RGS7: variants seen among roughly 807,000 people sequenced by gnomAD.
RGS7 encodes regulator of G-protein signaling 7.
Under a neutral mutation model 81.1 loss-of-function variants are expected in RGS7, and 27 were observed. The observed-to-expected ratio is 0.33, with a 90% CI of 0.25 to 0.46. The LOEUF is 0.46. Ranked by LOEUF, RGS7 falls within the 20% of genes least tolerant of loss-of-function variation. The pLI, the probability that RGS7 is intolerant of heterozygous loss-of-function variation, is 1.00. For missense variants in RGS7, 396 were observed against 607.4 expected (o/e 0.65, Z 3.66); for synonymous variants, 208 against 207.7 (o/e 1.00, Z -0.01).
chr1:241,159,094 A>G (rs2069414267), intron 2 of RGS7, among the ~76,000 whole-genome samples: 1 of 152,202 alleles, frequency 6.6e-6, no homozygotes, highest in Admixed American at 6.5e-5. Flanking sequence ...GGTGTTCACA[A>G]AGGAATAATA....
intron 2 of RGS7, among the ~76,000 whole-genome samples, chr1:241,288,909 C>A (rs1338675577): frequency 1.3e-5 from 2 of 149,966 alleles, no homozygotes; most frequent in Admixed American, 6.7e-5. Context: ...CTTCCTGGAA[C>A]ATGATTATCA....
At position 241,305,950 on chromosome 1, in the gene RGS7, G is replaced by T. The variant is rs183904581; in HGVS notation, c.78+49749C>A. The T allele has an allele frequency of 1.5e-3, 247 of 160,606 alleles. 1 individual carries two copies. The highest frequency in any genetic ancestry group is 3.0e-3 in the Middle Eastern group (1 of 328). The allele number at this position is 160,606 out of a possible 1,614,324, so 9.9% of individuals were successfully genotyped here. ...ACCTTCTCTTTTGTAGAAGGAAAAA[G>T]GTGTAGAAAGGGGAAGTGACTTTCT... is the stretch of plus-strand genomic sequence containing the variant. On this transcript the variant is annotated intron_variant, in intron 2 of 18. Coordinates refer to ENST00000440928, the MANE Select transcript of RGS7 (RefSeq NM_001364886.1).
intron 6 of RGS7, among the ~76,000 whole-genome samples, chr1:240,929,603 G>T (rs1675062291): frequency 6.6e-6 from 1 of 151,978 alleles, no homozygotes; most frequent in African/African-American, 2.4e-5. Flanking sequence ...GATTTTCTAT[G>T]AATTTTCTTA....
intron 2 of RGS7, among the ~76,000 whole-genome samples, chr1:241,247,779 G>A (rs2076620249): frequency 6.6e-6 from 1 of 152,062 alleles, no homozygotes; most frequent in South Asian, 2.1e-4. Flanking sequence ...TAAGATATAT[G>A]TCCTCATGAT....
chr1:240,827,244 G>C, intron 9 of RGS7, 72 bp from the exon 10 acceptor site: 1 of 1,228,012 alleles, frequency 8.1e-7, no homozygotes, highest in Non-Finnish European at 1.2e-6. Flanking sequence ...ATCATGAATG[G>C]CTCGCTCTCC....
rs1208616304 is a variant in RGS7, at chr1:241,174,862, T to C, written c.79-76100A>G. ...TGTGTTCAGAAGCGAAAATGTTTTC[T>C]ATGTGTTACTAGACTCCAATTCACA... On this transcript the variant is annotated intron_variant, in intron 2 of 18. Coordinates refer to ENST00000440928, the MANE Select transcript of RGS7 (RefSeq NM_001364886.1). Among the ~76,000 whole-genome samples, 4 of 151,764 alleles carry C rather than the reference T, an allele frequency of 2.6e-5. No individual in the cohort carries two copies. In the South Asian group the frequency reaches 6.2e-4, roughly 24 times the overall value.
At chr1:240,896,720 T>C (rs1368018555) in intron 6 of RGS7, among the ~76,000 whole-genome samples, 1 of 152,230 alleles carries the variant, frequency 6.6e-6, no homozygotes, top group African/African-American at 2.4e-5. Flanking sequence ...GTTAGCGTGA[T>C]GCCTCCAGCT....
intron 6 of RGS7, among the ~76,000 whole-genome samples, chr1:240,880,935 A>C (rs1572565773): frequency 6.6e-6 from 1 of 152,062 alleles, no homozygotes; most frequent in African/African-American, 2.4e-5. Context: ...GGGAGGGAAA[A>C]ATTTTGGTAA....
chr1:240,851,184 G>C (rs1467856383), intron 9 of RGS7, among the ~76,000 whole-genome samples: 1 of 152,192 alleles, frequency 6.6e-6, no homozygotes, highest in Non-Finnish European at 1.5e-5. Context: ...TGACTCTCTT[G>C]TTATCAGGTA....
In RGS7 at chr1:241,257,000, GTA is replaced by G. The variant is rs57995221; in HGVS notation, c.78+98697_78+98698del. On this transcript the variant is annotated intron_variant, in intron 2 of 18. Coordinates refer to ENST00000440928, the MANE Select transcript of RGS7 (RefSeq NM_001364886.1). ...ATATATACATATTGTATATATATGTGTATATATGTGTGTGTGTGTATACACTA... is the reference window on the plus strand; with the variant it reads ...ATATATACATATTGTATATATATGTGTATATGTGTGTGTGTGTATACACTA... Among the ~76,000 whole-genome samples, 181 of 151,484 alleles carry G rather than the reference GTA, an allele frequency of 1.2e-3. 5 individuals are homozygous for G. The East Asian group carries it at 0.026, about 22-fold the overall frequency.
At chr1:241,288,664 G>A (rs1339644350) in intron 2 of RGS7, among the ~76,000 whole-genome samples, 3 of 152,120 alleles carry the variant, frequency 2.0e-5, no homozygotes, top group Non-Finnish European at 4.4e-5. Context: ...GAGGCCACAA[G>A]GTCTACTTCC....
intron 18 of RGS7, among the ~76,000 whole-genome samples, chr1:240,787,959 TG>T (rs1685347098): frequency 1.3e-5 from 2 of 152,226 alleles, no homozygotes; most frequent in South Asian, 4.1e-4. Flanking sequence ...TAATATATGC[TG>T]GCTGGGCCAT....
intron 9 of RGS7, among the ~76,000 whole-genome samples, chr1:240,850,168 C>A: frequency 6.6e-6 from 1 of 152,192 alleles, no homozygotes; most frequent in Admixed American, 6.5e-5. Flanking sequence ...TTGTTCTTCA[C>A]AAATATTGTG....
chr1:241,207,134 A>C (rs1283705574), intron 2 of RGS7, among the ~76,000 whole-genome samples: 2 of 150,958 alleles, frequency 1.3e-5, no homozygotes, highest in South Asian at 2.1e-4. Context: ...ACGCCCGGCT[A>C]ATTTTTGTAT....
chr1:241,251,618 T>A (rs938545739), intron 2 of RGS7, among the ~76,000 whole-genome samples: 1 of 151,968 alleles, frequency 6.6e-6, no homozygotes, highest in East Asian at 1.9e-4. Flanking sequence ...CAAGCAATTC[T>A]CCTGCCTCAA....
intron 3 of RGS7, among the ~76,000 whole-genome samples, chr1:241,020,900 A>G (rs1269398964): frequency 6.6e-6 from 1 of 152,212 alleles, no homozygotes; most frequent in Non-Finnish European, 1.5e-5. Flanking sequence ...TTTATCCACA[A>G]AAGCAATTTG....
chr1:241,319,550 G>A (rs1485972656), intron 2 of RGS7, among the ~76,000 whole-genome samples: 1 of 151,914 alleles, frequency 6.6e-6, no homozygotes, highest in South Asian at 2.1e-4. Flanking sequence ...TTAGAGTCAG[G>A]GTCTTACTTT....
intron 6 of RGS7, among the ~76,000 whole-genome samples, chr1:240,919,493 T>C (rs1052367666): frequency 1.3e-5 from 2 of 152,050 alleles, no homozygotes; most frequent in African/African-American, 4.8e-5. Flanking sequence ...TATCAATACA[T>C]GCAGAGAAAT....
At chr1:241,055,732 T>C (rs2061444416) in intron 3 of RGS7, among the ~76,000 whole-genome samples, 4 of 152,180 alleles carry the variant, frequency 2.6e-5, no homozygotes, top group Admixed American at 2.6e-4. Context: ...CTTGATTGAT[T>C]ACATCCCCCA....
Sources: allele counts gnomAD v4.1 joint callset (sites outside exome capture counted in the v4.1 genomes callset), GRCh38; gene constraint gnomAD v4.1.1; transcripts MANE v1.5; gene names NCBI Gene and HGNC (gene_info 2026-07-23, HGNC 2026-07-21).